The following INTS10 variants were observed in gnomAD, a reference collection of about 807,000 sequenced individuals.
INTS10 encodes the protein chromosome 8 open reading frame 35.
In INTS10, 44 loss-of-function variants were observed where a neutral mutation model predicts 94.4. The observed-to-expected ratio is 0.47, with a 90% confidence interval of 0.37 to 0.60. The LOEUF (loss-of-function observed/expected upper bound fraction) is 0.60. Ranked by LOEUF, INTS10 falls within the 20% of genes least tolerant of loss-of-function variation. The pLI is 0.00. For missense variants in INTS10, 797 were observed against 868.7 expected (o/e 0.92, Z 1.04); for synonymous variants, 341 against 320.7 (o/e 1.06, Z -0.68).
intron 4 of INTS10, chr8:19,820,847 C>A: frequency 5.4e-6 from 1 of 184,638 alleles, no homozygotes; most frequent in Non-Finnish European, 1.1e-5. Flanking sequence ...TTAACAGATG[C>A]GTTTTTCCTG....
In INTS10 at chr8:19,851,671, A is replaced by G; in HGVS notation, c.1999A>G (p.Ile667Val). ...CAGGCACCACACTGTAACTCGAGGC[A>G]TCACCAAAGGCGTGAAGGAGGACTT... is the stretch of plus-strand genomic sequence containing the variant. The part of the protein sequence containing the change: ...LIKHHTVTRG[I>V]TKGVKEDFRL... Residue 667 changes from isoleucine to valine, a missense_variant, in exon 17 of 17, where the codon ATC becomes GTC. By Grantham distance (29) the Ile-to-Val change is conservative. This residue lies in a region of INTS10 where 16 missense variants were observed against 39.1 expected (regional missense o/e 0.41). Coordinates refer to ENST00000397977, the MANE Select transcript of INTS10 (RefSeq NM_018142.4). The surrounding 1 kb of genome is among the most constrained non-coding windows in gnomAD (Gnocchi z 5.0). The G allele has an allele frequency of 6.2e-7, 1 of 1,614,182 alleles. No individual in the cohort carries two copies. Among genetic ancestry groups the G allele is most frequent in the Non-Finnish European group, 8.5e-7 (1 of 1,180,034 alleles).
At chr8:19,833,866 G>T (rs11204078) in intron 12 of INTS10, among the ~76,000 whole-genome samples, 71,433 of 151,868 alleles carry the variant, frequency 0.47, 17,085 homozygotes, top group Non-Finnish European at 0.52. Flanking sequence ...AATGAGCTGG[G>T]TGTGGTGGTG....
At chr8:19,835,239 A>G (rs1048211277) in intron 12 of INTS10, among the ~76,000 whole-genome samples, 2 of 152,152 alleles carry the variant, frequency 1.3e-5, no homozygotes, top group South Asian at 2.1e-4. Context: ...TTTTTGGCCT[A>G]TCACCCTTTT....
chr8:19,842,544 T>G (rs112207907), intron 13 of INTS10, among the ~76,000 whole-genome samples: 2 of 152,230 alleles, frequency 1.3e-5, no homozygotes, highest in African/African-American at 4.8e-5. Flanking sequence ...TTCATGAAGC[T>G]GAGTGGTGAG....
intron 4 of INTS10, chr8:19,822,186 C>T (rs2066431088): frequency 1.5e-5 from 4 of 274,006 alleles, no homozygotes; most frequent in African/African-American, 2.2e-5. Flanking sequence ...TCTTGTTCAT[C>T]GTTAATTAGA....
chr8:19,851,557 T>C lies in INTS10; in HGVS notation c.1977-92T>C, dbSNP rs896091979. On this transcript the variant is annotated intron_variant, in intron 16 of 16. Transcript: ENST00000397977. This position sits in a 1 kb window ranked among gnomAD's most constrained non-coding sequence, Gnocchi z 5.0. ...AAATATCTGAAATTATACTTAGATA[T>C]GGGGCAGGCTTTATTCCTACCCAAG... is the stretch of plus-strand genomic sequence containing the variant. 11 of 1,096,598 alleles carry C rather than the reference T, an allele frequency of 1.0e-5. No homozygotes were observed. The highest frequency in any genetic ancestry group is 9.9e-5 in the Admixed American group (5 of 50,682). The allele number at this position is 1,096,598 out of a possible 1,614,324, so 67.9% of individuals were successfully genotyped here.
chr8:19,822,753 C>A (rs1342389677), intron 5 of INTS10, among the ~76,000 whole-genome samples: 2 of 151,838 alleles, frequency 1.3e-5, no homozygotes, highest in Non-Finnish European at 1.5e-5. Context: ...AGATCGAGAC[C>A]ATCCTGGCCA....
Position 19,851,698 on chromosome 8 carries a change from C to G in INTS10, c.2026C>G (p.Arg676Gly), listed in dbSNP as rs781132274. 3.1e-6 allele frequency: 5 copies of G among 1,614,008 alleles called. No individual in the cohort carries two copies. Among genetic ancestry groups the G allele is most frequent in the South Asian group, 1.1e-5 (1 of 91,082 alleles). ...CACCAAAGGCGTGAAGGAGGACTTT[C>G]GCCTGGCCATGGAGCGCCAGGTCTC... Reference protein sequence around the residue: ...GITKGVKEDFRLAMERQVSRC... With the variant: ...GITKGVKEDFGLAMERQVSRC... Residue 676 changes from arginine to glycine, a missense_variant, in exon 17 of 17, where the codon CGC (arginine) becomes GGC (glycine). Physicochemically the swap from Arg to Gly is moderately radical, Grantham distance 125. Around this residue, in one of 3 missense-constraint regions of INTS10, gnomAD observed 16 missense variants for 39.1 expected, o/e 0.41. Transcript: ENST00000397977. The surrounding 1 kb of genome is among the most constrained non-coding windows in gnomAD (Gnocchi z 5.0).
At chr8:19,835,758 A>G (rs1295357777) in intron 12 of INTS10, among the ~76,000 whole-genome samples, 2 of 152,220 alleles carry the variant, frequency 1.3e-5, no homozygotes, top group African/African-American at 4.8e-5. Flanking sequence ...GGTGGGTTCT[A>G]GAGGTGCCAA....
At chr8:19,835,646 G>C (rs1041187087) in intron 12 of INTS10, among the ~76,000 whole-genome samples, 2 of 152,114 alleles carry the variant, frequency 1.3e-5, no homozygotes, top group African/African-American at 4.8e-5. Context: ...CTGTGACATC[G>C]GTAGGTTACC....
intron 9 of INTS10, 82 bp from the exon 10 acceptor site, chr8:19,830,324 C>G: frequency 8.0e-7 from 1 of 1,242,332 alleles, no homozygotes; most frequent in Admixed American, 2.7e-5. Flanking sequence ...ATATCACGGG[C>G]CAAACTGGCA....
chr8:19,831,756 G>A lies in INTS10; in HGVS notation c.1295-272G>A, dbSNP rs1364736772. Among the ~76,000 whole-genome samples the A allele has an allele frequency of 1.2e-4, 18 of 152,224 alleles. No homozygotes were observed. In the East Asian group the frequency reaches 3.5e-3, roughly 29 times the overall value. On this transcript the variant is annotated intron_variant, in intron 10 of 16. Transcript: ENST00000397977. ...CAAAGTGGCTTAAAAGATAAATGAG[G>A]AAATACATGAAAAGCACTTTAAACA...
intron 4 of INTS10, 66 bp downstream of exon 4, chr8:19,820,584 A>G: frequency 1.4e-6 from 2 of 1,414,264 alleles, no homozygotes; most frequent in Admixed American, 2.0e-5. Context: ...ATTCATCGGT[A>G]TGGTGAGGAG....
rs778576227 is a variant in INTS10, at chr8:19,837,074, A to T, written c.1553A>T (p.Asp518Val). Reference protein sequence around the residue: ...EYRMTCEKVLDLMCYMVLPIQ... With the variant: ...EYRMTCEKVLVLMCYMVLPIQ... ...TAGATGACATGTGAAAAAGTCCTTG[A>T]TTTGATGTGCTACATGGTACTCCCC... Residue 518 changes from aspartate to valine, a missense_variant, in exon 13 of 17, where the codon GAT (aspartate) becomes GTT (valine). This residue lies in a region of INTS10 where 734 missense variants were observed against 787.8 expected (regional missense o/e 0.93). Coordinates refer to ENST00000397977, the MANE Select transcript of INTS10 (RefSeq NM_018142.4). The T allele has an allele frequency of 3.7e-6, 6 of 1,613,188 alleles. No individual in the cohort carries two copies. Among genetic ancestry groups the T allele is most frequent in the Middle Eastern group, 1.6e-4 (1 of 6,082 alleles).
rs575512731 is a variant in INTS10, at chr8:19,818,735, G to A, written c.197+393G>A. 2.2e-5 allele frequency: 4 copies of A among 185,690 alleles called. No homozygotes were observed. The South Asian group carries it at 3.5e-4, about 16-fold the overall frequency. The allele number at this position is 185,690 out of a possible 1,614,324, so 11.5% of individuals were successfully genotyped here. On this transcript the variant is annotated intron_variant, in intron 2 of 16. Coordinates refer to ENST00000397977, the MANE Select transcript of INTS10 (RefSeq NM_018142.4). Reference sequence around the variant, plus strand: ...TACATAAATAAGGTTTTGGGGGGAAGGGGTTACAAAAGTGAGAAGACCATA... The same window carrying A: ...TACATAAATAAGGTTTTGGGGGGAAAGGGTTACAAAAGTGAGAAGACCATA...
At chr8:19,825,911 C>A (rs1023345544) in intron 8 of INTS10, among the ~76,000 whole-genome samples, 7 of 152,078 alleles carry the variant, frequency 4.6e-5, no homozygotes, top group Admixed American at 2.6e-4. Flanking sequence ...GACAGGGAAT[C>A]TTTAACAATT....
chr8:19,844,285 G>T (rs762878632), intron 15 of INTS10, 47 bp downstream of exon 15: 2 of 1,314,214 alleles, frequency 1.5e-6, no homozygotes, highest in Non-Finnish European at 2.2e-6. Context: ...ATTTTCTTTA[G>T]AATGAATACA....
intron 15 of INTS10, among the ~76,000 whole-genome samples, chr8:19,845,138 AG>A (rs1340498211): frequency 8.5e-5 from 13 of 152,186 alleles, no homozygotes; most frequent in African/African-American, 3.1e-4. Context: ...ATTTTTCACT[AG>A]AAAAATGCAT....
intron 6 of INTS10, 128 bp from the exon 7 acceptor site, chr8:19,823,745 C>CA: frequency 1.2e-6 from 1 of 858,298 alleles, no homozygotes; most frequent in Non-Finnish European, 1.8e-6. Flanking sequence ...GGTCCTTGAG[C>CA]AAAACATAAG....
Sources: allele counts gnomAD v4.1 joint callset (sites outside exome capture counted in the v4.1 genomes callset), GRCh38; gene constraint gnomAD v4.1.1; regional missense constraint gnomAD v4.1.1; non-coding constraint Gnocchi (gnomAD v3.1); transcripts MANE v1.5; gene names NCBI Gene and HGNC (gene_info 2026-07-23, HGNC 2026-07-21).